Variants in DDX60 observed in about 807,000 individuals in gnomAD.
DDX60 encodes DExD/H-box helicase 60.
A neutral mutation model predicts 212.8 loss-of-function variants in DDX60; 165 were observed. The observed-to-expected ratio is 0.78, with a 90% confidence interval of 0.68 to 0.88. DDX60 has a LOEUF of 0.88. Among genes scored for constraint, DDX60 ranks in the 40% least tolerant of loss-of-function variants. The pLI, the probability that DDX60 is intolerant of heterozygous loss-of-function variation, is 0.00. For synonymous variants in DDX60, 703 were observed against 685.3 expected (o/e 1.03, Z -0.40); for missense variants, 1,905 against 2,003.9 (o/e 0.95, Z 0.94).
rs1205564714 is a variant in DDX60, at chr4:168,275,503, C to A, written c.2146G>T (p.Asp716Tyr). The part of the protein sequence containing the change: ...ELASSLHPAQ[D>Y]AENDVKVKKR... Reference sequence around the variant, plus strand: ...TTCACTTTTACATCATTTTCTGCATCCTGCATTATTTTAAAAGTCCATTTT... The same window carrying A: ...TTCACTTTTACATCATTTTCTGCATACTGCATTATTTTAAAAGTCCATTTT... Residue 716 changes from aspartate to tyrosine, a missense_variant and splice_region_variant, in exon 16 of 38, where the codon GAT becomes TAT. Coordinates refer to ENST00000393743, the MANE Select transcript of DDX60 (RefSeq NM_017631.6). 6.3e-7 allele frequency: 1 copy of A among 1,589,368 alleles called. No homozygotes were observed. Among genetic ancestry groups the A allele is most frequent in the Admixed American group, 1.8e-5 (1 of 56,388 alleles).
intron 6 of DDX60, among the ~76,000 whole-genome samples, chr4:168,299,032 G>A (rs1007618035): frequency 4.0e-5 from 6 of 151,528 alleles, no homozygotes; most frequent in Admixed American, 1.3e-4. Context: ...TTGGTGGCAT[G>A]AGCCTGTAGT....
intron 22 of DDX60, among the ~76,000 whole-genome samples, chr4:168,267,096 G>T (rs1248058544): frequency 6.6e-6 from 1 of 152,128 alleles, no homozygotes; most frequent in East Asian, 1.9e-4. Flanking sequence ...ACACCCCGGT[G>T]TCCCAGCTGA....
chr4:168,250,832 T>G, intron 28 of DDX60, 122 bp downstream of exon 28: 3 of 865,482 alleles, frequency 3.5e-6, no homozygotes, highest in Non-Finnish European at 5.2e-6. Context: ...GCCAACTTAT[T>G]TTTTTAAAAG....
rs377076111 is a variant in DDX60, at chr4:168,255,711, A to T, written c.3557T>A (p.Ile1186Lys). Residue 1186 changes from isoleucine (I) to lysine (K), a missense_variant and splice_region_variant, in exon 26 of 38, where the codon ATA (isoleucine) becomes AAA (lysine). Coordinates refer to ENST00000393743, the MANE Select transcript of DDX60 (RefSeq NM_017631.6). ...VKKSIEKQKIIDEKSQKKTRN... is the reference protein window; with the variant it reads ...VKKSIEKQKIKDEKSQKKTRN... ...TCAATTTGTTTAGTTAACTACTTACATGATCTTTTGTTTCTCTATGGATTT... is the reference window on the plus strand; with the variant it reads ...TCAATTTGTTTAGTTAACTACTTACTTGATCTTTTGTTTCTCTATGGATTT... 77 of 1,583,568 alleles carry T rather than the reference A, an allele frequency of 4.9e-5. No homozygotes were observed. In the African/African-American group the frequency reaches 7.7e-4, roughly 16 times the overall value.
intron 37 of DDX60, among the ~76,000 whole-genome samples, chr4:168,217,493 G>C (rs1732889051): frequency 1.3e-5 from 2 of 152,132 alleles, no homozygotes; most frequent in African/African-American, 4.8e-5. Context: ...GATATGGTAA[G>C]CAGAATAATG....
At position 168,275,342 on chromosome 4, in the gene DDX60, TA is replaced by T. The variant is rs748014284; in HGVS notation, c.2304+2del. 1.9e-6 allele frequency: 3 copies of T among 1,600,332 alleles called. No individual in the cohort carries two copies. The highest frequency in any genetic ancestry group is 2.6e-6 in the Non-Finnish European group (3 of 1,174,594). ...GTAATTTTTGTTTCATTTGCAGTAT[TA>T]CCTGCCATGTGTCGGGAATAAAATC... On this transcript the variant is annotated splice_donor_variant, in intron 16 of 37. Coordinates refer to ENST00000393743, the MANE Select transcript of DDX60 (RefSeq NM_017631.6). LOFTEE classifies it high-confidence loss of function.
chr4:168,296,664 T>A (rs1736355694), intron 6 of DDX60, among the ~76,000 whole-genome samples: 1 of 151,882 alleles, frequency 6.6e-6, no homozygotes, highest in South Asian at 2.1e-4. Flanking sequence ...GTAACAAACC[T>A]CGGTATCATT....
chr4:168,252,622 C>A lies in DDX60; in HGVS notation c.3592G>T (p.Asp1198Tyr), dbSNP rs1236272469. ...TCAGCTTCATGTATTAGGCTTTGAT[C>A]CACATTTCTGGTTTTTTTCTGGCTC... ...EKSQKKTRNVDQSLIHEAEHD... is the reference protein window; with the variant it reads ...EKSQKKTRNVYQSLIHEAEHD... Residue 1198 changes from aspartate (D) to tyrosine (Y), a missense_variant, in exon 27 of 38, where the codon GAT becomes TAT. By Grantham distance (160) the Asp-to-Tyr change is radical (BLOSUM62 -3). Transcript: ENST00000393743. The A allele has an allele frequency of 1.9e-6, 3 of 1,611,620 alleles. No individual in the cohort carries two copies. Among genetic ancestry groups the A allele is most frequent in the African/African-American group, 1.3e-5 (1 of 74,774 alleles).
chr4:168,325,732 C>A, the DDX60 span, among the ~76,000 whole-genome samples: 1 of 152,204 alleles, frequency 6.6e-6, no homozygotes, highest in Non-Finnish European at 1.5e-5. Flanking sequence ...CCCAAATAGT[C>A]GTGAACAAAC....
In DDX60 at chr4:168,280,402, A is replaced by C. The variant is rs1216986277; in HGVS notation, c.1911T>G (p.Leu637=). 1 of 1,614,058 alleles carries C rather than the reference A, an allele frequency of 6.2e-7. No individual in the cohort carries two copies. The highest frequency in any genetic ancestry group is 1.3e-5 in the African/African-American group (1 of 74,938). ...LKSCKSSCVK[L]QVEMVGLTAC... Reference sequence around the variant, plus strand: ...CAGTTAACCCCACCATTTCAACCTGAAGTTTCACACAGCTACTTTTACAGG... The same window carrying C: ...CAGTTAACCCCACCATTTCAACCTGCAGTTTCACACAGCTACTTTTACAGG... The change falls in exon 14 of 38, where the codon CTT becomes CTG. Residue 637 remains leucine (L), a synonymous_variant. Coordinates refer to ENST00000393743, the MANE Select transcript of DDX60 (RefSeq NM_017631.6).
intron 6 of DDX60, among the ~76,000 whole-genome samples, chr4:168,299,847 G>A (rs1736571911): frequency 6.6e-6 from 1 of 151,944 alleles, no homozygotes; most frequent in South Asian, 2.1e-4. Context: ...TGGCTTCACA[G>A]GAGATTTCTA....
Position 168,231,703 on chromosome 4 carries a change from A to C in DDX60, c.4533+4549T>G, listed in dbSNP as rs183003930. ...AACCCTCAGCAAAATTGGCATAGAA[A>C]GGACATAGCTTAAGGTAATAAAAGC... On this transcript the variant is annotated intron_variant, in intron 33 of 37. Coordinates refer to ENST00000393743, the MANE Select transcript of DDX60 (RefSeq NM_017631.6). Among the ~76,000 whole-genome samples, 96 of 152,122 alleles carry C rather than the reference A, an allele frequency of 6.3e-4. 1 individual carries two copies. Among genetic ancestry groups the C allele is most frequent in the Admixed American group, 6.0e-3 (92 of 15,264 alleles).
At chr4:168,302,061 G>A (rs903699310) in intron 6 of DDX60, among the ~76,000 whole-genome samples, 1 of 148,832 alleles carries the variant, frequency 6.7e-6, no homozygotes, top group Non-Finnish European at 1.5e-5. Context: ...ACTGGATCCT[G>A]AAATAGCAAA....
At chr4:168,300,862 T>A (rs1457709105) in intron 6 of DDX60, among the ~76,000 whole-genome samples, 2 of 152,150 alleles carry the variant, frequency 1.3e-5, no homozygotes, top group African/African-American at 4.8e-5. Flanking sequence ...ATAAATCTTA[T>A]AATCTCATTG....
At chr4:168,236,735 A>C (rs921618973) in intron 32 of DDX60, among the ~76,000 whole-genome samples, 1 of 151,824 alleles carries the variant, frequency 6.6e-6, no homozygotes, top group Non-Finnish European at 1.5e-5. Flanking sequence ...TGTATTTAAA[A>C]ATTTACTCAA....
chr4:168,228,277 T>C (rs1368277546), intron 33 of DDX60, among the ~76,000 whole-genome samples: 1 of 152,128 alleles, frequency 6.6e-6, no homozygotes, highest in Non-Finnish European at 1.5e-5. Flanking sequence ...CTGTTGTGGA[T>C]CAAAATGTCA....
chr4:168,296,564 C>T (rs766596817), intron 6 of DDX60, among the ~76,000 whole-genome samples: 14 of 151,952 alleles, frequency 9.2e-5, no homozygotes, highest in Non-Finnish European at 2.1e-4. Context: ...ACTAACATGC[C>T]TGGATTCTGA....
chr4:168,237,494 C>A, intron 31 of DDX60, 67 bp from the exon 32 acceptor site: 1 of 1,419,036 alleles, frequency 7.0e-7, no homozygotes, highest in Non-Finnish European at 9.4e-7. Flanking sequence ...TTATTAAGTA[C>A]CAGTTTAAAA....
At chr4:168,242,083 T>G (rs1245230009) in intron 30 of DDX60, among the ~76,000 whole-genome samples, 1 of 152,184 alleles carries the variant, frequency 6.6e-6, no homozygotes, top group East Asian at 1.9e-4. Context: ...TTACACGTGG[T>G]GTTGAGCATG....
Sources: allele counts gnomAD v4.1 joint callset (sites outside exome capture counted in the v4.1 genomes callset), GRCh38; gene constraint gnomAD v4.1.1; transcripts MANE v1.5; gene names NCBI Gene and HGNC (gene_info 2026-07-23, HGNC 2026-07-21).